Variants in VCPKMT observed in about 807,000 individuals in gnomAD.
The protein encoded by VCPKMT is valosin containing protein lysine methyltransferase.
A neutral mutation model predicts 28.6 loss-of-function variants in VCPKMT; 32 were observed. That is an observed-to-expected ratio of 1.12 (90% CI 0.84 to 1.50). The LOEUF (loss-of-function observed/expected upper bound fraction) is 1.50, where lower values mean the gene tolerates loss of function less well. VCPKMT is among the 40% of genes most tolerant of loss of function. VCPKMT has a pLI of 0.00. For synonymous variants in VCPKMT, 138 were observed against 111.4 expected (o/e 1.24, Z -1.50); for missense variants, 366 against 285.0 (o/e 1.28, Z -2.05).
intron 3 of VCPKMT, among the ~76,000 whole-genome samples, chr14:50,114,926 G>T (rs1024633555): frequency 1.3e-5 from 2 of 152,128 alleles, no homozygotes; most frequent in African/African-American, 4.8e-5. Flanking sequence ...ACCATGTACT[G>T]ATTTTGGTTT....
Position 50,109,091 on chromosome 14 carries a change from A to T in VCPKMT, c.*608T>A. On this transcript the variant is annotated 3_prime_UTR_variant, in exon 6 of 6. Coordinates refer to ENST00000395860, the MANE Select transcript of VCPKMT (RefSeq NM_024558.3). ...AATTTACTGATTAAATCACATAGAT[A>T]TGTATGGTGGAGGAAAAGAAAACTT... The T allele has an allele frequency of 3.1e-6, 3 of 976,054 alleles. No individual in the cohort carries two copies. The highest frequency in any genetic ancestry group is 3.7e-6 in the Non-Finnish European group (3 of 821,278). The allele number at this position is 976,054 out of a possible 1,614,324, so 60.5% of individuals were successfully genotyped here.
chr14:50,114,473 A>T (rs1882960334), intron 3 of VCPKMT, 69 bp from the exon 4 acceptor site: 6 of 1,151,128 alleles, frequency 5.2e-6, no homozygotes, highest in Non-Finnish European at 5.8e-6. Context: ...TAGGTTGAGG[A>T]GGTACAGGGG....
At chr14:50,104,672 A>C (rs1227175744), downstream of VCPKMT, among the ~76,000 whole-genome samples, 4 of 151,616 alleles carry the variant, frequency 2.6e-5, no homozygotes, top group Admixed American at 2.0e-4. Context: ...TTCAGAAGTA[A>C]GAACTACCAC....
At chr14:50,116,229 A>T in intron 1 of VCPKMT, 50 bp from the exon 2 acceptor site, 1 of 1,612,520 alleles carries the variant, frequency 6.2e-7, no homozygotes, top group Non-Finnish European at 8.5e-7. Flanking sequence ...AAAGCCTGTA[A>T]TCCGGATTTC....
At position 50,110,657 on chromosome 14, in the gene VCPKMT, A is replaced by T. The variant is rs371512500; in HGVS notation, c.676-944T>A. On this transcript the variant is annotated intron_variant, in intron 5 of 5. Transcript: ENST00000395860. ...TTGGCAAGTCTTCAAAAAGTTAAAC[A>T]GAGTTCCCATATAACCTTGCAGTTC... Among the ~76,000 whole-genome samples, 9 of 152,242 alleles carry T rather than the reference A, an allele frequency of 5.9e-5. 1 individual carries two copies. Among genetic ancestry groups the T allele is most frequent in the Non-Finnish European group, 1.5e-5 (1 of 68,038 alleles).
chr14:50,111,068 A>C, intron 5 of VCPKMT: 1 of 632,010 alleles, frequency 1.6e-6, no homozygotes, highest in Non-Finnish European at 2.0e-6. Flanking sequence ...AGAAAGTGGT[A>C]ATTTACACAA....
intron 5 of VCPKMT, chr14:50,111,690 C>G (rs1882673384): frequency 2.4e-6 from 2 of 846,140 alleles, no homozygotes; most frequent in Non-Finnish European, 2.8e-6. Flanking sequence ...TCAGCCTGGA[C>G]AACATGGCAA....
At chr14:50,110,796 C>T (rs1882595295) in intron 5 of VCPKMT, among the ~76,000 whole-genome samples, 1 of 152,166 alleles carries the variant, frequency 6.6e-6, no homozygotes, top group South Asian at 2.1e-4. Context: ...TGTGGTACAG[C>T]CACATAAAGG....
rs370031958 is a variant in VCPKMT at position 50,111,800 on chromosome 14, C to G, written c.675+815G>C. ...ACTCAGGAGGCTGAGGTGGGAGGAT[C>G]ACTTCTTGAGCCTGCAAGGCAGAGG... On this transcript the variant is annotated intron_variant, in intron 5 of 5. Coordinates refer to ENST00000395860, the MANE Select transcript of VCPKMT (RefSeq NM_024558.3). The G allele has an allele frequency of 4.3e-6, 3 of 705,370 alleles. No homozygotes were observed. The African/African-American group carries it at 5.8e-5, about 14-fold the overall frequency. 43.7% of individuals were successfully genotyped at this position (705,370 alleles called of 1,614,324 possible). A position where few individuals can be genotyped will look rare whatever the true frequency, so the allele number is the denominator to read the frequency against.
chr14:50,111,564 C>G, intron 5 of VCPKMT: 1 of 985,252 alleles, frequency 1.0e-6, no homozygotes, highest in Non-Finnish European at 1.2e-6. Flanking sequence ...TCACATATAC[C>G]AAAGGTGCTG....
chr14:50,104,581 C>G (rs974771560), downstream of VCPKMT, among the ~76,000 whole-genome samples: 1 of 151,738 alleles, frequency 6.6e-6, no homozygotes, highest in Admixed American at 6.6e-5. Context: ...CCTGATGTTT[C>G]CTAAGAAAAA....
At chr14:50,112,220 T>TA (rs1225783498) in intron 5 of VCPKMT, 1 of 299,850 alleles carries the variant, frequency 3.3e-6, no homozygotes, top group Non-Finnish European at 4.9e-6. Context: ...CTATACAATT[T>TA]ACGCCTATGG....
chr14:50,112,030 CTTAA>C, intron 5 of VCPKMT: 2 of 985,142 alleles, frequency 2.0e-6, no homozygotes, highest in Admixed American at 6.1e-5. Flanking sequence ...ATAAATTCTA[CTTAA>C]TTGAGTGCAT....
chr14:50,106,917 G>A (rs1882343594), downstream of VCPKMT, among the ~76,000 whole-genome samples: 1 of 152,302 alleles, frequency 6.6e-6, no homozygotes, highest in Non-Finnish European at 1.5e-5. Context: ...ACAGGGTCTT[G>A]CTATGTTGCC....
rs142661282 is a variant in VCPKMT, at chr14:50,112,901, C to G, written c.571-182G>C. On this transcript the variant is annotated intron_variant, in intron 4 of 5. Transcript: ENST00000395860. ...TCCCTGGGTTCAAGTGATTCTCCTGCCTCAGCCTCCTGAGTAGCTGGGATT... is the reference window on the plus strand; with the variant it reads ...TCCCTGGGTTCAAGTGATTCTCCTGGCTCAGCCTCCTGAGTAGCTGGGATT... 7.1e-3 allele frequency among the ~76,000 whole-genome samples: 1,086 copies of G among 152,226 alleles called. 13 individuals carry two copies. The highest frequency in any genetic ancestry group is 0.025 in the African/African-American group (1,035 of 41,516).
chr14:50,115,758 A>G (rs990428864), intron 3 of VCPKMT, 81 bp downstream of exon 3: 5 of 1,485,534 alleles, frequency 3.4e-6, no homozygotes, highest in African/African-American at 1.4e-5. Flanking sequence ...AGATGTTAAA[A>G]TGTGAAGAAA....
At position 50,109,512 on chromosome 14, in the gene VCPKMT, G is replaced by A; in HGVS notation, c.*187C>T. 1.5e-6 allele frequency: 2 copies of A among 1,310,520 alleles called. No individual in the cohort carries two copies. Among genetic ancestry groups the A allele is most frequent in the Non-Finnish European group, 1.9e-6 (2 of 1,032,898 alleles). 81.2% of individuals were successfully genotyped at this position (1,310,520 alleles called of 1,614,324 possible). Reference sequence around the variant, plus strand: ...TGGATTCAGGGCCATTGGCAGGCAGGCAGGCAAGCAGGAATTTTTCGTATT... The same window carrying A: ...TGGATTCAGGGCCATTGGCAGGCAGACAGGCAAGCAGGAATTTTTCGTATT... On this transcript the variant is annotated 3_prime_UTR_variant, in exon 6 of 6. Coordinates refer to ENST00000395860, the MANE Select transcript of VCPKMT (RefSeq NM_024558.3).
chr14:50,105,069 T>A (rs528593811), downstream of VCPKMT, among the ~76,000 whole-genome samples: 5 of 152,250 alleles, frequency 3.3e-5, no homozygotes, highest in African/African-American at 9.6e-5. Flanking sequence ...ACCTTTAAAA[T>A]GTGATTGCAT....
Position 50,116,314 on chromosome 14 carries a change from G to T in VCPKMT, c.239C>A (p.Ala80Asp). The T allele has an allele frequency of 6.2e-7, 1 of 1,608,210 alleles. No homozygotes were observed. ...GAGGGTAGCAGCCATGAGCCCCACGGCCCCGGTGCCCGAACCCAGCTCCAG... is the reference window on the plus strand; with the variant it reads ...GAGGGTAGCAGCCATGAGCCCCACGTCCCCGGTGCCCGAACCCAGCTCCAG... ...SVLELGSGTGAVGLMAATLGA... is the reference protein window; with the variant it reads ...SVLELGSGTGDVGLMAATLGA... Residue 80 changes from alanine to aspartate, a missense_variant, in exon 1 of 6, where the codon GCC becomes GAC. Physicochemically the swap from Ala to Asp is moderately radical, Grantham distance 126. Transcript: ENST00000395860.
Sources: allele counts gnomAD v4.1 joint callset (sites outside exome capture counted in the v4.1 genomes callset), GRCh38; gene constraint gnomAD v4.1.1; transcripts MANE v1.5; gene names NCBI Gene and HGNC (gene_info 2026-07-23, HGNC 2026-07-21).